Variants in TUSC3 observed in about 807,000 individuals in gnomAD.
TUSC3 encodes tumor suppressor candidate 3.
A neutral mutation model predicts 44.8 loss-of-function variants in TUSC3; 45 were observed. The observed-to-expected ratio is 1.00, with a 90% CI of 0.79 to 1.29. The LOEUF is 1.29. Among genes scored for constraint, TUSC3 ranks in the 50% most tolerant of loss-of-function variants. The probability of loss-of-function intolerance (pLI) is 0.00; values close to 1 mark genes in which losing one functional copy is unlikely to be tolerated. For missense variants in TUSC3, 519 were observed against 437.9 expected, an observed-to-expected ratio of 1.19 and a Z score of -1.65; for synonymous variants, 212 against 152.9, an observed-to-expected ratio of 1.39 and a Z score of -2.85.
intron 1 of TUSC3, among the ~76,000 whole-genome samples, chr8:15,466,216 T>C (rs1452315663): frequency 6.6e-6 from 1 of 152,200 alleles, no homozygotes; most frequent in African/African-American, 2.4e-5. Flanking sequence ...AGGGCCTAAC[T>C]GTAGCAGACA....
chr8:15,581,907 C>A (rs1171656086), intron 1 of TUSC3, among the ~76,000 whole-genome samples: 1 of 144,320 alleles, frequency 6.9e-6, no homozygotes, highest in Non-Finnish European at 1.5e-5. Flanking sequence ...CCTCCCCCAG[C>A]CTCGCTGCCG....
At chr8:15,583,734 G>A (rs1244860644) in intron 1 of TUSC3, among the ~76,000 whole-genome samples, 1 of 152,106 alleles carries the variant, frequency 6.6e-6, no homozygotes, top group Non-Finnish European at 1.5e-5. Context: ...TTTGTGGGAG[G>A]TTTAATTAAA....
intron 1 of TUSC3, among the ~76,000 whole-genome samples, chr8:15,544,376 T>C (rs987018152): frequency 6.6e-6 from 1 of 151,790 alleles, no homozygotes; most frequent in Admixed American, 6.6e-5. Context: ...TTATTGACTT[T>C]GCCATCATCA....
In TUSC3 at chr8:15,540,374, C is replaced by A. The variant is rs1448435767; in HGVS notation, c.-57C>A. 16 of 1,471,184 alleles carry A rather than the reference C, an allele frequency of 1.1e-5. No individual in the cohort carries two copies. Among genetic ancestry groups the A allele is most frequent in the Non-Finnish European group, 1.2e-5 (13 of 1,107,092 alleles). The allele number at this position is 1,471,184 out of a possible 1,614,324, so 91.1% of individuals were successfully genotyped here. On this transcript the variant is annotated 5_prime_UTR_variant, in exon 1 of 11. Transcript: ENST00000503731. ...AGGCTGGCCGGGCAGGCGTGGTGCG[C>A]GGTAGGAGCTGGGCGCGCACGGCTA...
chr8:15,574,743 C>A (rs1803023945), intron 1 of TUSC3, among the ~76,000 whole-genome samples: 1 of 152,028 alleles, frequency 6.6e-6, no homozygotes, highest in Non-Finnish European at 1.5e-5. Flanking sequence ...GAAATTTTCT[C>A]TACAGAGAAA....
intron 1 of TUSC3, among the ~76,000 whole-genome samples, chr8:15,549,338 T>G (rs1801975309): frequency 6.6e-6 from 1 of 151,528 alleles, no homozygotes; most frequent in African/African-American, 2.4e-5. Flanking sequence ...CACATCTGGC[T>G]GATTTTTGTA....
At chr8:15,611,811 A>G (rs1804773867) in intron 1 of TUSC3, among the ~76,000 whole-genome samples, 1 of 152,122 alleles carries the variant, frequency 6.6e-6, no homozygotes, top group Non-Finnish European at 1.5e-5. Context: ...ATTGCCCTTT[A>G]TATATTTTTA....
In TUSC3 at chr8:15,428,049, A is replaced by C. The variant is rs185058973; in HGVS notation, n.91+10744A>C. ...TTTGTTACATATGTATACATGTGCCATGTTGGTGTGCTGCACCCATTAACT... is the reference window on the plus strand; with the variant it reads ...TTTGTTACATATGTATACATGTGCCCTGTTGGTGTGCTGCACCCATTAACT... On this transcript the variant is annotated intron_variant and non_coding_transcript_variant, in intron 1 of 5. Transcript: ENST00000503191. 2.2e-3 allele frequency among the ~76,000 whole-genome samples: 333 copies of C among 151,460 alleles called. 2 individuals carry two copies. The highest frequency in any genetic ancestry group is 7.6e-3 in the African/African-American group (315 of 41,232).
At chr8:15,700,645 T>C (rs1488941102) in intron 6 of TUSC3, among the ~76,000 whole-genome samples, 1 of 152,030 alleles carries the variant, frequency 6.6e-6, no homozygotes, top group East Asian at 1.9e-4. Flanking sequence ...TGTTACTAGA[T>C]TATGAGGGAC....
chr8:15,420,504 A>G (rs928013282), intron 1 of TUSC3, among the ~76,000 whole-genome samples: 2 of 139,302 alleles, frequency 1.4e-5, no homozygotes. Context: ...TCTCATAAAG[A>G]AAAAAAAAAA....
chr8:15,444,090 T>A (rs563801345), intron 1 of TUSC3, among the ~76,000 whole-genome samples: 6 of 152,330 alleles, frequency 3.9e-5, no homozygotes, highest in Admixed American at 2.6e-4. Context: ...TCTATTGCGA[T>A]TCCCCTGTCT....
intron 10 of TUSC3, among the ~76,000 whole-genome samples, chr8:15,763,535 C>T (rs897756030): frequency 6.6e-5 from 10 of 151,780 alleles, no homozygotes; most frequent in African/African-American, 2.4e-4. Flanking sequence ...GAACATGCCA[C>T]GTGTTAGCAG....
At chr8:15,593,095 T>A (rs112638918) in intron 1 of TUSC3, among the ~76,000 whole-genome samples, 32 of 151,904 alleles carry the variant, frequency 2.1e-4, no homozygotes, top group African/African-American at 4.3e-4. Flanking sequence ...TAAAAAAAAA[T>A]TTTTTTTTGA....
Position 15,754,346 on chromosome 8 carries a change from A to G in TUSC3, c.1029-3445A>G, listed in dbSNP as rs1222390623. Among the ~76,000 whole-genome samples the G allele has an allele frequency of 7.9e-5, 12 of 152,080 alleles. No homozygotes were observed. In the East Asian group the frequency reaches 2.1e-3, roughly 27 times the overall value. On this transcript the variant is annotated intron_variant, in intron 9 of 10. Transcript: ENST00000503731. ...TCCAAGACAGAAATAAATACATTGA[A>G]GTAGGCTGACAAGAGGAGAAAAATA...
At chr8:15,720,172 A>G (rs1378435499) in intron 6 of TUSC3, among the ~76,000 whole-genome samples, 1 of 149,196 alleles carries the variant, frequency 6.7e-6, no homozygotes, top group Non-Finnish European at 1.5e-5. Flanking sequence ...GAAGTGATAT[A>G]TCATTGTTAA....
chr8:15,477,289 A>G (rs543728117), intron 1 of TUSC3, among the ~76,000 whole-genome samples: 1 of 152,234 alleles, frequency 6.6e-6, no homozygotes, highest in Non-Finnish European at 1.5e-5. Flanking sequence ...TCTTTTTTAC[A>G]GTTTTCTAGG....
chr8:15,453,319 A>G (rs1001454584), intron 1 of TUSC3, among the ~76,000 whole-genome samples: 1 of 152,174 alleles, frequency 6.6e-6, no homozygotes, highest in African/African-American at 2.4e-5. Context: ...CTAAATTACT[A>G]AATAAAATGA....
chr8:15,503,313 T>A (rs1800994731), intron 2 of TUSC3, among the ~76,000 whole-genome samples: 1 of 152,132 alleles, frequency 6.6e-6, no homozygotes, highest in African/African-American at 2.4e-5. Context: ...CTCCTGTATC[T>A]TAGACTTGTA....
the TUSC3 span, chr8:15,807,060 A>G: frequency 3.6e-6 from 5 of 1,407,588 alleles, no homozygotes; most frequent in Non-Finnish European, 5.0e-6. Context: ...GTGATCTAAC[A>G]AATGCTCACA....
Sources: gnomAD v4.1 joint callset for allele counts (sites outside exome capture counted in the v4.1 genomes callset) on GRCh38, gnomAD v4.1.1 for gene constraint, MANE v1.5 for transcripts, NCBI Gene and HGNC (gene_info 2026-07-23, HGNC 2026-07-21) for gene names.